The following GARIN2 variants were observed in gnomAD, a reference collection of about 807,000 sequenced individuals.
The protein encoded by GARIN2 is golgi associated RAB2 interactor family member 2.
chr14:67,219,102 T>C, the GARIN2 span, among the ~76,000 whole-genome samples: 46 of 152,092 alleles, frequency 3.0e-4, no homozygotes, highest in Middle Eastern at 3.4e-3. Context: ...CAGGTGGTGA[T>C]TGGGGAGTAG....
chr14:67,210,575 G>A, the GARIN2 span, among the ~76,000 whole-genome samples: 3 of 152,094 alleles, frequency 2.0e-5, no homozygotes, highest in East Asian at 5.8e-4. Context: ...CATAGTTGAT[G>A]ATAAAAGGAA....
chr14:67,218,430 C>T, the GARIN2 span, among the ~76,000 whole-genome samples: 11 of 152,150 alleles, frequency 7.2e-5, no homozygotes, highest in African/African-American at 2.7e-4. Flanking sequence ...TTGGCTGACT[C>T]AGGGACGTGC....
At chr14:67,224,136 T>C in the GARIN2 span, among the ~76,000 whole-genome samples, 1 of 152,192 alleles carries the variant, frequency 6.6e-6, no homozygotes, top group Non-Finnish European at 1.5e-5. Flanking sequence ...TTTTTCTCCT[T>C]TTCTGCATAA....
At chr14:67,211,133 C>T in the GARIN2 span, among the ~76,000 whole-genome samples, 8 of 152,296 alleles carry the variant, frequency 5.3e-5, no homozygotes, top group Non-Finnish European at 1.0e-4. Context: ...TCATTTGTAA[C>T]ATGGGGATAC....
the GARIN2 span, among the ~76,000 whole-genome samples, chr14:67,205,358 A>G: frequency 1.3e-5 from 2 of 152,178 alleles, no homozygotes; most frequent in African/African-American, 4.8e-5. Context: ...AATCAGAACC[A>G]AGTTAGACTC....
the GARIN2 span, among the ~76,000 whole-genome samples, chr14:67,222,197 T>C: frequency 6.6e-6 from 1 of 152,200 alleles, no homozygotes; most frequent in East Asian, 1.9e-4. Context: ...GGTCCACAAC[T>C]AAATTTTTGG....
chr14:67,197,370 G>C, the GARIN2 span: 1 of 152,156 alleles, frequency 6.6e-6, no homozygotes, highest in Admixed American at 6.5e-5. Context: ...GAGATTTGAT[G>C]GTTCTTACAG....
the GARIN2 span, chr14:67,228,305 T>C: frequency 1.4e-5 from 6 of 413,830 alleles, no homozygotes; most frequent in East Asian, 9.8e-4. Flanking sequence ...ATTTTGTTTG[T>C]TTCAATCATT....
the GARIN2 span, among the ~76,000 whole-genome samples, chr14:67,192,811 G>GATATCTATATGTACAGATCTATATAT: frequency 1.4e-5 from 2 of 144,462 alleles, no homozygotes; most frequent in East Asian, 4.0e-4. Context: ...TATAGATATA[G>GATATCTATATGTACAGATCTATATAT]ATATCTATAT....
the GARIN2 span, among the ~76,000 whole-genome samples, chr14:67,193,130 C>G: frequency 7.0e-6 from 1 of 143,086 alleles, no homozygotes; most frequent in African/African-American, 2.5e-5. Flanking sequence ...CTATATATCT[C>G]TATATAGACA....
chr14:67,198,545 T>G, the GARIN2 span, among the ~76,000 whole-genome samples: 32 of 152,372 alleles, frequency 2.1e-4, no homozygotes, highest in Non-Finnish European at 1.5e-4. Context: ...CTGTCTTAAC[T>G]CTACCATAAT....
the GARIN2 span, among the ~76,000 whole-genome samples, chr14:67,195,262 C>G: frequency 6.6e-6 from 1 of 152,196 alleles, no homozygotes; most frequent in African/African-American, 2.4e-5. Flanking sequence ...GGGCGAGACC[C>G]AGTCGTGGCT....
the GARIN2 span, chr14:67,200,051 G>A: frequency 6.4e-6 from 6 of 931,636 alleles, no homozygotes; most frequent in East Asian, 2.6e-5. Context: ...GGCTCTGGGG[G>A]ACAGCCACCA....
At chr14:67,191,299 G>A in the GARIN2 span, among the ~76,000 whole-genome samples, 4 of 152,216 alleles carry the variant, frequency 2.6e-5, no homozygotes, top group Admixed American at 2.0e-4. Flanking sequence ...AATCCAGGTA[G>A]TTGGTTTCAC....
At chr14:67,204,071 A>G in the GARIN2 span, among the ~76,000 whole-genome samples, 1 of 152,166 alleles carries the variant, frequency 6.6e-6, no homozygotes, top group Non-Finnish European at 1.5e-5. Flanking sequence ...GATGGTTCTC[A>G]GGAGCCCCTA....
At chr14:67,203,992 G>A in the GARIN2 span, among the ~76,000 whole-genome samples, 2 of 152,292 alleles carry the variant, frequency 1.3e-5, no homozygotes, top group East Asian at 3.9e-4. Flanking sequence ...GATTACAGGC[G>A]TGAGCCACTG....
the GARIN2 span, chr14:67,204,385 G>C: frequency 5.5e-6 from 4 of 723,640 alleles, no homozygotes; most frequent in Non-Finnish European, 6.8e-6. Context: ...GCTGCAGTGA[G>C]CCATGATCGC....
chr14:67,190,689 T>C, the GARIN2 span, among the ~76,000 whole-genome samples: 42 of 152,262 alleles, frequency 2.8e-4, no homozygotes, highest in African/African-American at 9.6e-4. Context: ...AGCTGAAAGG[T>C]TGGGCATGGG....
the GARIN2 span, among the ~76,000 whole-genome samples, chr14:67,225,535 T>C: frequency 6.6e-6 from 1 of 152,176 alleles, no homozygotes; most frequent in Non-Finnish European, 1.5e-5. Context: ...TAGCGATTCT[T>C]CTCATTTCTG....
Sources: gnomAD v4.1 joint callset for allele counts (sites outside exome capture counted in the v4.1 genomes callset) on GRCh38, gnomAD v4.1.1 for gene constraint, MANE v1.5 for transcripts, NCBI Gene and HGNC (gene_info 2026-07-23, HGNC 2026-07-21) for gene names.